The following SPOCK1 variants were observed in gnomAD, a reference collection of about 807,000 sequenced individuals.
SPOCK1 encodes testican-1.
A neutral mutation model predicts 55.3 loss-of-function variants in SPOCK1; 23 were observed. The observed-to-expected ratio is 0.42, with a 90% CI of 0.30 to 0.59. The LOEUF (loss-of-function observed/expected upper bound fraction) is 0.59, where lower values mean the gene tolerates loss of function less well. Ranked by LOEUF, SPOCK1 falls within the 20% of genes least tolerant of loss-of-function variation. The pLI, the probability that SPOCK1 is intolerant of heterozygous loss-of-function variation, is 0.22. For synonymous variants in SPOCK1, 226 were observed against 221.0 expected (o/e 1.02, Z -0.20); for missense variants, 499 against 552.5 (o/e 0.90, Z 0.97).
At chr5:137,205,391 C>T (rs541373621) in intron 3 of SPOCK1, among the ~76,000 whole-genome samples, 1 of 152,276 alleles carries the variant, frequency 6.6e-6, no homozygotes, top group South Asian at 2.1e-4. Flanking sequence ...TTTCCTAGGC[C>T]TGAGAATGTT....
chr5:137,181,646 A>G (rs1754971427), intron 3 of SPOCK1, among the ~76,000 whole-genome samples: 1 of 152,290 alleles, frequency 6.6e-6, no homozygotes, highest in Middle Eastern at 3.4e-3. Flanking sequence ...CATTAAACAG[A>G]GCTGGAAACA....
At chr5:137,392,856 A>G (rs1384987686) in intron 2 of SPOCK1, among the ~76,000 whole-genome samples, 1 of 152,006 alleles carries the variant, frequency 6.6e-6, no homozygotes, top group African/African-American at 2.4e-5. Context: ...GCCTCTATTC[A>G]CCCAAATGTG....
At chr5:137,321,288 G>A (rs958923792) in intron 2 of SPOCK1, among the ~76,000 whole-genome samples, 1 of 151,110 alleles carries the variant, frequency 6.6e-6, no homozygotes, top group African/African-American at 2.4e-5. Flanking sequence ...CCAGAAGAAG[G>A]AAAGACAGAC....
chr5:137,103,979 T>C (rs1046722025), intron 5 of SPOCK1, among the ~76,000 whole-genome samples: 2 of 152,244 alleles, frequency 1.3e-5, no homozygotes, highest in African/African-American at 4.8e-5. Flanking sequence ...CTGTTGAATG[T>C]ATACAGCAAA....
intron 3 of SPOCK1, among the ~76,000 whole-genome samples, chr5:137,216,260 C>T (rs1755713865): frequency 6.6e-6 from 1 of 152,126 alleles, no homozygotes; most frequent in Admixed American, 6.5e-5. Context: ...TATGGCCCTG[C>T]AGAGCTTTGG....
chr5:137,491,375 C>A (rs150437438), intron 2 of SPOCK1, among the ~76,000 whole-genome samples: 1 of 152,312 alleles, frequency 6.6e-6, no homozygotes, highest in African/African-American at 2.4e-5. Flanking sequence ...TTTTCAATTA[C>A]TAATAGAGTG....
chr5:137,002,603 G>T (rs1383043015), intron 6 of SPOCK1, among the ~76,000 whole-genome samples: 2 of 152,172 alleles, frequency 1.3e-5, no homozygotes, highest in Non-Finnish European at 1.5e-5. Context: ...AAATCGATTA[G>T]CAGCATCATA....
chr5:137,152,692 T>C (rs11954603), intron 3 of SPOCK1, among the ~76,000 whole-genome samples: 7,936 of 152,270 alleles, frequency 0.052, 380 homozygotes, highest in East Asian at 0.14. Context: ...AGGAGCCTCA[T>C]GACTCTGTCT....
chr5:137,322,710 C>T (rs1405650044), intron 2 of SPOCK1, among the ~76,000 whole-genome samples: 1 of 143,344 alleles, frequency 7.0e-6, no homozygotes, highest in Non-Finnish European at 1.5e-5. Context: ...ATATCCTTAC[C>T]AAAAAAAAAA....
intron 2 of SPOCK1, among the ~76,000 whole-genome samples, chr5:137,487,811 G>T (rs1331912689): frequency 6.6e-6 from 1 of 152,134 alleles, no homozygotes; most frequent in Non-Finnish European, 1.5e-5. Flanking sequence ...TTCCATTCCA[G>T]GAAAACCTCA....
At chr5:137,103,267 T>A (rs1240148092) in intron 5 of SPOCK1, among the ~76,000 whole-genome samples, 1 of 152,196 alleles carries the variant, frequency 6.6e-6, no homozygotes, top group African/African-American at 2.4e-5. Flanking sequence ...ATTACAAGTA[T>A]GAGCCACCAC....
chr5:137,162,010 T>C (rs1042648721), intron 3 of SPOCK1, among the ~76,000 whole-genome samples: 2 of 152,222 alleles, frequency 1.3e-5, no homozygotes, highest in African/African-American at 4.8e-5. Context: ...GCTAGCTTTA[T>C]ATCTTTACTT....
chr5:136,992,320 C>G (rs527535509), intron 7 of SPOCK1, among the ~76,000 whole-genome samples, 164 bp downstream of exon 7: 33 of 152,148 alleles, frequency 2.2e-4, no homozygotes, highest in African/African-American at 7.2e-4. Flanking sequence ...TTCAAAATGC[C>G]TATACTAAAC....
At chr5:137,483,915 G>C (rs1753999367) in intron 2 of SPOCK1, among the ~76,000 whole-genome samples, 1 of 152,208 alleles carries the variant, frequency 6.6e-6, no homozygotes, top group African/African-American at 2.4e-5. Flanking sequence ...AGCACCCGGG[G>C]AAGCCCTTCT....
intron 2 of SPOCK1, among the ~76,000 whole-genome samples, chr5:137,481,181 C>T (rs1580951122): frequency 8.4e-6 from 1 of 119,368 alleles, no homozygotes; most frequent in African/African-American, 3.5e-5. Flanking sequence ...AGAGCAGATG[C>T]CTTCTCTCTC....
chr5:137,023,960 A>ATTTTT lies in SPOCK1; in HGVS notation c.590-31365_590-31361dup, dbSNP rs34202986. 4.2e-4 allele frequency among the ~76,000 whole-genome samples: 54 copies of ATTTTT among 129,846 alleles called. 4 individuals carry two copies. Among genetic ancestry groups the ATTTTT allele is most frequent in the Non-Finnish European group, 5.9e-4 (37 of 62,424 alleles). 85.2% of individuals were successfully genotyped at this position (129,846 alleles called of 152,430 possible). A position where few individuals can be genotyped will look rare whatever the true frequency, so the allele number is the denominator to read the frequency against. ...TCTAATTAGCAAGTGTCAATATAGT[A>ATTTTT]TTTTTTTTTTTTTTTTTTGCTAACT... On this transcript the variant is annotated intron_variant, in intron 6 of 10. Coordinates refer to ENST00000394945, the MANE Select transcript of SPOCK1 (RefSeq NM_004598.4).
intron 3 of SPOCK1, among the ~76,000 whole-genome samples, chr5:137,142,252 C>T (rs1754113617): frequency 6.6e-6 from 1 of 152,198 alleles, no homozygotes; most frequent in Non-Finnish European, 1.5e-5. Context: ...TCACAGTGCC[C>T]TCAACCACTG....
At chr5:136,984,002 G>A (rs566645352) in intron 9 of SPOCK1, among the ~76,000 whole-genome samples, 8 of 152,140 alleles carry the variant, frequency 5.3e-5, no homozygotes, top group Admixed American at 3.3e-4. Flanking sequence ...TCATAGGTAC[G>A]TCACTCAAAA....
At chr5:136,991,723 CAGTGTGGAGAA>C (rs1328841194) in intron 7 of SPOCK1, among the ~76,000 whole-genome samples, 1 of 152,180 alleles carries the variant, frequency 6.6e-6, no homozygotes, top group African/African-American at 2.4e-5. Context: ...TCATTGGCCA[CAGTGTGGAGAA>C]GCCTATACCT....
Sources: gnomAD v4.1 joint callset for allele counts (sites outside exome capture counted in the v4.1 genomes callset) on GRCh38, gnomAD v4.1.1 for gene constraint, MANE v1.5 for transcripts, NCBI Gene and HGNC (gene_info 2026-07-23, HGNC 2026-07-21) for gene names.